Variants in FLT1 observed in about 807,000 individuals in gnomAD.
FLT1 encodes fms related receptor tyrosine kinase 1.
Under a neutral mutation model 156.3 loss-of-function variants are expected in FLT1, and 49 were observed. The ratio of observed to expected loss-of-function variants is 0.31; its 90% CI spans 0.25 to 0.40. The LOEUF (loss-of-function observed/expected upper bound fraction) is 0.40, where lower values mean the gene tolerates loss of function less well. FLT1 is among the 10% of genes least tolerant of loss of function. The pLI is 1.00. For missense variants in FLT1, 1,322 were observed against 1,637.2 expected, an observed-to-expected ratio of 0.81 and a Z score of 3.32; for synonymous variants, 594 against 583.8, an observed-to-expected ratio of 1.02 and a Z score of -0.25.
chr13:28,475,166 G>A (rs1211288014), intron 1 of FLT1, among the ~76,000 whole-genome samples: 2 of 152,122 alleles, frequency 1.3e-5, no homozygotes, highest in Non-Finnish European at 2.9e-5. Context: ...TTTAGTGTTA[G>A]TTTTAAATCA....
intron 12 of FLT1, among the ~76,000 whole-genome samples, chr13:28,393,994 G>A (rs1874891288): frequency 6.6e-6 from 1 of 152,214 alleles, no homozygotes; most frequent in East Asian, 1.9e-4. Context: ...CACTTTTAAA[G>A]CATTACCCTC....
chr13:28,319,740 G>A (rs1023273463), intron 23 of FLT1, among the ~76,000 whole-genome samples: 13 of 152,174 alleles, frequency 8.5e-5, no homozygotes, highest in African/African-American at 4.8e-5. Flanking sequence ...TCCCATGAAG[G>A]CAGTATATGT....
chr13:28,467,549 C>T lies in FLT1; in HGVS notation c.133G>A (p.Ala45Thr), dbSNP rs1434165571. 1 of 1,610,540 alleles carries T rather than the reference C, an allele frequency of 6.2e-7. No individual in the cohort carries two copies. Among genetic ancestry groups the T allele is most frequent in the African/African-American group, 1.3e-5 (1 of 74,830 alleles). The change falls in exon 2 of 30, where the codon GCA becomes ACA. Residue 45 changes from alanine (A) to threonine (T), a missense_variant. By Grantham distance (58) the Ala-to-Thr change is moderately conservative (BLOSUM62 0). This residue lies in a region of FLT1 where 991 missense variants were observed against 1,254.8 expected (regional missense o/e 0.79). Coordinates refer to ENST00000282397, the MANE Select transcript of FLT1 (RefSeq NM_002019.4). ...SLKGTQHIMQ[A>T]GQTLHLQCRG... ...CATTGGAGATGCAGTGTCTGGCCTG[C>T]TTGCATGATGTGCTGGGTGCCTTTT...
In FLT1 at chr13:28,306,780, G is replaced by T. The variant is rs765068687; in HGVS notation, c.3721-8C>A. 1 of 1,601,576 alleles carries T rather than the reference G, an allele frequency of 6.2e-7. No individual in the cohort carries two copies. The highest frequency in any genetic ancestry group is 1.7e-5 in the Admixed American group (1 of 60,000). On this transcript the variant is annotated splice_polypyrimidine_tract_variant and splice_region_variant and intron_variant, in intron 28 of 29. Coordinates refer to ENST00000282397, the MANE Select transcript of FLT1 (RefSeq NM_002019.4). The stretch of plus-strand genomic sequence containing the variant: ...GCTGTCGCCCTGGTAGTCCTAGGGG[G>T]AGAAGGAGAAAGGTTATACTCTTGC...
intron 11 of FLT1, among the ~76,000 whole-genome samples, chr13:28,401,980 T>C (rs1875468977): frequency 6.6e-6 from 1 of 152,242 alleles, no homozygotes; most frequent in Non-Finnish European, 1.5e-5. Context: ...TCCTACTCCA[T>C]ATCTACAAAC....
chr13:28,344,840 C>G (rs1462018677), intron 16 of FLT1, among the ~76,000 whole-genome samples: 1 of 112,104 alleles, frequency 8.9e-6, no homozygotes. Flanking sequence ...GGGTCTCACT[C>G]TGTCGCTCAG....
At chr13:28,418,684 C>T (rs535126673) in intron 10 of FLT1, among the ~76,000 whole-genome samples, 1 of 152,268 alleles carries the variant, frequency 6.6e-6, no homozygotes, top group South Asian at 2.1e-4. Context: ...CCGTCTCAGC[C>T]TCCTGAGTAG....
intron 3 of FLT1, among the ~76,000 whole-genome samples, chr13:28,440,223 A>G (rs1878259533): frequency 6.6e-6 from 1 of 152,186 alleles, no homozygotes; most frequent in Non-Finnish European, 1.5e-5. Context: ...CTACATTCCT[A>G]GAGGAGAGGA....
At chr13:28,336,824 G>A (rs750366201) in intron 17 of FLT1, among the ~76,000 whole-genome samples, 12 of 146,998 alleles carry the variant, frequency 8.2e-5, no homozygotes, top group African/African-American at 2.3e-4. Context: ...CTTGGCTCAC[G>A]GCAACCTCCA....
In FLT1 at chr13:28,412,385, T is replaced by TTTCTTTCTTTCTTTCCTTCC. The variant is rs1566013163; in HGVS notation, c.1437-6492_1437-6491insGGAAGGAAAGAAAGAAAGAA. 3.0e-3 allele frequency among the ~76,000 whole-genome samples: 255 copies of TTTCTTTCTTTCTTTCCTTCC among 84,898 alleles called. 2 individuals carry two copies. The highest frequency in any genetic ancestry group is 6.5e-3 in the Middle Eastern group (1 of 154). The allele number at this position is 84,898 out of a possible 152,430, so 55.7% of individuals were successfully genotyped here. A position where few individuals can be genotyped will look rare whatever the true frequency, so the allele number is the denominator to read the frequency against. ...CTTTCTTTCTTTCTTTCTTTCTTTC[T>TTTCTTTCTTTCTTTCCTTCC]TTCTTTCTTTCTTTCTTTCTTTCTT... On this transcript the variant is annotated intron_variant, in intron 10 of 29. Coordinates refer to ENST00000282397, the MANE Select transcript of FLT1 (RefSeq NM_002019.4).
At chr13:28,368,721 T>G (rs958852019) in intron 14 of FLT1, 3 of 704,374 alleles carry the variant, frequency 4.3e-6, no homozygotes, top group Admixed American at 2.3e-5. Flanking sequence ...TTTTTTTTTT[T>G]GAGACAGAGT....
chr13:28,442,930 T>C (rs1028921228), intron 3 of FLT1, among the ~76,000 whole-genome samples: 2 of 152,176 alleles, frequency 1.3e-5, no homozygotes, highest in Non-Finnish European at 2.9e-5. Flanking sequence ...GTAGGACACA[T>C]CTGTCTTTGT....
chr13:28,337,121 A>C (rs947286898), intron 17 of FLT1, among the ~76,000 whole-genome samples: 1 of 151,898 alleles, frequency 6.6e-6, no homozygotes, highest in Non-Finnish European at 1.5e-5. Flanking sequence ...ATAGAAGCTG[A>C]ATTCCCTCCC....
At chr13:28,440,967 G>C (rs1157544610) in intron 3 of FLT1, among the ~76,000 whole-genome samples, 1 of 152,088 alleles carries the variant, frequency 6.6e-6, no homozygotes, top group Non-Finnish European at 1.5e-5. Flanking sequence ...GTGATGGTCA[G>C]GTGGTTATTA....
At chr13:28,487,985 G>A (rs1040842836) in intron 1 of FLT1, among the ~76,000 whole-genome samples, 5 of 151,392 alleles carry the variant, frequency 3.3e-5, no homozygotes, top group African/African-American at 1.2e-4. Flanking sequence ...GGAGGACACC[G>A]ATGTCCCAGC....
At chr13:28,422,905 A>T (rs1447424158) in intron 10 of FLT1, among the ~76,000 whole-genome samples, 1 of 152,168 alleles carries the variant, frequency 6.6e-6, no homozygotes, top group Non-Finnish European at 1.5e-5. Flanking sequence ...TCCATTCCAC[A>T]GAGAAGGTCC....
intron 1 of FLT1, among the ~76,000 whole-genome samples, chr13:28,477,869 C>T (rs1410894056): frequency 6.6e-6 from 1 of 152,168 alleles, no homozygotes; most frequent in Non-Finnish European, 1.5e-5. Flanking sequence ...GAAATATACA[C>T]ATTTTCAGAT....
At chr13:28,489,740 G>A (rs1252664297) in intron 1 of FLT1, among the ~76,000 whole-genome samples, 2 of 152,156 alleles carry the variant, frequency 1.3e-5, no homozygotes, top group Non-Finnish European at 2.9e-5. Flanking sequence ...AACCCAGTGT[G>A]TGTGTGGAGA....
At chr13:28,350,390 T>C (rs1263752172) in intron 15 of FLT1, among the ~76,000 whole-genome samples, 1 of 152,138 alleles carries the variant, frequency 6.6e-6, no homozygotes, top group Non-Finnish European at 1.5e-5. Context: ...ACCATCCCTT[T>C]TGGAATAGGG....
Sources: allele counts gnomAD v4.1 joint callset (sites outside exome capture counted in the v4.1 genomes callset), GRCh38; gene constraint gnomAD v4.1.1; regional missense constraint gnomAD v4.1.1; transcripts MANE v1.5; gene names NCBI Gene and HGNC (gene_info 2026-07-23, HGNC 2026-07-21).